The following CHSY3 variants were observed in gnomAD, a reference collection of about 807,000 sequenced individuals.
CHSY3 encodes the protein N-acetylgalactosaminyl-proteoglycan 3-beta-glucuronosyltransferase 3.
Under a neutral mutation model 67.2 loss-of-function variants are expected in CHSY3, and 35 were observed. That is an observed-to-expected ratio of 0.52 (90% CI 0.40 to 0.69). CHSY3 has a LOEUF of 0.69. CHSY3 is among the 30% of genes least tolerant of loss of function. The probability of loss-of-function intolerance (pLI) is 0.00; values close to 1 mark genes in which losing one functional copy is unlikely to be tolerated. For missense variants in CHSY3, 1,069 were observed against 1,138.5 expected (o/e 0.94, Z 0.88); for synonymous variants, 474 against 434.7 (o/e 1.09, Z -1.12).
intron 2 of CHSY3, among the ~76,000 whole-genome samples, chr5:129,916,044 G>A (rs138201069): frequency 6.6e-6 from 1 of 152,238 alleles, no homozygotes; most frequent in East Asian, 1.9e-4. Context: ...TTCTACAAAA[G>A]AAATTCAACT....
rs186389084 is a variant in CHSY3, at chr5:130,124,691, C to A, written c.1087-59538C>A. Reference sequence around the variant, plus strand: ...AAGGCTGATTTCGAACTCCCCAGCTCAGGCAGTCCACCCGCCTTGGCCTCC... The same window carrying A: ...AAGGCTGATTTCGAACTCCCCAGCTAAGGCAGTCCACCCGCCTTGGCCTCC... On this transcript the variant is annotated intron_variant, in intron 2 of 2. Coordinates refer to ENST00000305031, the MANE Select transcript of CHSY3 (RefSeq NM_175856.5). 2.9e-3 allele frequency among the ~76,000 whole-genome samples: 443 copies of A among 152,286 alleles called. 1 individual carries two copies. The highest frequency in any genetic ancestry group is 8.5e-3 in the African/African-American group (353 of 41,572).
chr5:130,082,381 A>C (rs1306527682), intron 2 of CHSY3, among the ~76,000 whole-genome samples: 1 of 152,102 alleles, frequency 6.6e-6, no homozygotes, highest in African/African-American at 2.4e-5. Flanking sequence ...CTGAAATAAC[A>C]AATTTGAGAA....
At chr5:130,079,733 A>G (rs1175798866) in intron 2 of CHSY3, among the ~76,000 whole-genome samples, 1 of 152,108 alleles carries the variant, frequency 6.6e-6, no homozygotes, top group African/African-American at 2.4e-5. Flanking sequence ...TACTTACTTC[A>G]TAGAGATGAA....
rs185675590 is a variant in CHSY3, at chr5:130,181,641, C to A, written c.1087-2588C>A. On this transcript the variant is annotated intron_variant, in intron 2 of 2. Transcript: ENST00000305031. ...TCAGTGAATGTTCACATATTAAATG[C>A]ACACATATGACCACCACCTGGATAA... Among the ~76,000 whole-genome samples the A allele has an allele frequency of 2.1e-3, 313 of 152,246 alleles. 2 individuals carry two copies. The highest frequency in any genetic ancestry group is 6.3e-3 in the Admixed American group (96 of 15,280).
At chr5:129,953,506 T>C (rs11242015) in intron 2 of CHSY3, among the ~76,000 whole-genome samples, 91,187 of 151,912 alleles carry the variant, frequency 0.6, 27,649 homozygotes, top group African/African-American at 0.67. Context: ...AAAATGGGAT[T>C]GCTAGGTCAA....
intron 2 of CHSY3, among the ~76,000 whole-genome samples, chr5:130,056,698 A>G (rs978654486): frequency 3.3e-5 from 5 of 152,074 alleles, no homozygotes; most frequent in African/African-American, 1.2e-4. Flanking sequence ...AGTGATTTAG[A>G]TCATGGATAA....
intron 2 of CHSY3, among the ~76,000 whole-genome samples, chr5:130,088,677 A>G (rs1766760157): frequency 6.6e-6 from 1 of 152,160 alleles, no homozygotes; most frequent in Non-Finnish European, 1.5e-5. Flanking sequence ...ATGAGATACC[A>G]TCTCACACCA....
intron 2 of CHSY3, among the ~76,000 whole-genome samples, chr5:130,061,013 A>G (rs895563924): frequency 1.3e-5 from 2 of 152,226 alleles, no homozygotes; most frequent in Middle Eastern, 3.4e-3. Context: ...AGACTCAGTG[A>G]AATCCCTCTA....
At chr5:129,966,129 ACC>A (rs1762462406) in intron 2 of CHSY3, among the ~76,000 whole-genome samples, 1 of 151,938 alleles carries the variant, frequency 6.6e-6, no homozygotes, top group Non-Finnish European at 1.5e-5. Context: ...TATTAGAAAT[ACC>A]AAATGATTTG....
At chr5:130,024,764 A>G (rs940841488) in intron 2 of CHSY3, among the ~76,000 whole-genome samples, 2 of 152,192 alleles carry the variant, frequency 1.3e-5, no homozygotes, top group Non-Finnish European at 2.9e-5. Flanking sequence ...ACAATTTGAG[A>G]TAGACTAATT....
At chr5:130,162,758 G>A (rs973038717) in intron 2 of CHSY3, among the ~76,000 whole-genome samples, 25 of 152,082 alleles carry the variant, frequency 1.6e-4, no homozygotes, top group African/African-American at 6.0e-4. Context: ...AGAAGCATTG[G>A]AGCAGAACTG....
intron 2 of CHSY3, among the ~76,000 whole-genome samples, chr5:129,928,740 G>C (rs1039554881): frequency 6.6e-6 from 1 of 152,044 alleles, no homozygotes; most frequent in Admixed American, 6.6e-5. Context: ...ATAAAATAAT[G>C]ATAGTAATAA....
chr5:130,143,792 A>ATATATATGTG lies in CHSY3; in HGVS notation c.1087-40430_1087-40429insGTGTATATAT, dbSNP rs1561557256. ...TGTATATATATATATGTGTATATATATATATATATATATGTGTGTATATAT... is the reference window on the plus strand; with the variant it reads ...TGTATATATATATATGTGTATATATATATATATGTGTATATATATATATGTGTGTATATAT... On this transcript the variant is annotated intron_variant, in intron 2 of 2. Transcript: ENST00000305031. Among the ~76,000 whole-genome samples the ATATATATGTG allele has an allele frequency of 4.3e-4, 38 of 88,258 alleles. 2 individuals are homozygous for ATATATATGTG. The highest frequency in any genetic ancestry group is 2.0e-3 in the African/African-American group (35 of 17,646). 57.9% of individuals were successfully genotyped at this position (88,258 alleles called of 152,430 possible).
intron 2 of CHSY3, among the ~76,000 whole-genome samples, chr5:129,921,535 A>C (rs1391672003): frequency 6.6e-6 from 1 of 152,188 alleles, no homozygotes; most frequent in African/African-American, 2.4e-5. Flanking sequence ...TGGACCAGAG[A>C]TGAGTACAGG....
chr5:130,115,794 C>G (rs901256491), intron 2 of CHSY3, among the ~76,000 whole-genome samples: 1 of 152,144 alleles, frequency 6.6e-6, no homozygotes, highest in Admixed American at 6.6e-5. Context: ...TGAGCTCAGC[C>G]GGATTACATA....
At chr5:129,943,034 A>G (rs530980405) in intron 2 of CHSY3, among the ~76,000 whole-genome samples, 13 of 152,296 alleles carry the variant, frequency 8.5e-5, no homozygotes, top group African/African-American at 2.4e-4. Flanking sequence ...GAAATAATAT[A>G]TATTGGCACA....
intron 2 of CHSY3, among the ~76,000 whole-genome samples, chr5:129,972,726 A>G (rs1198143717): frequency 3.3e-5 from 5 of 152,004 alleles, no homozygotes; most frequent in Admixed American, 1.3e-4. Flanking sequence ...AAAGCTTTCA[A>G]AACCAGACCT....
At chr5:130,137,997 TAAAG>T (rs2149717360) in intron 2 of CHSY3, among the ~76,000 whole-genome samples, 1 of 150,970 alleles carries the variant, frequency 6.6e-6, no homozygotes, top group Non-Finnish European at 1.5e-5. Context: ...CCAATTGAAA[TAAAG>T]AAGGAAGGAA....
Position 130,013,065 on chromosome 5 carries a change from A to C in CHSY3, c.1086+104705A>C, listed in dbSNP as rs531771949. On this transcript the variant is annotated intron_variant, in intron 2 of 2. Transcript: ENST00000305031. ...CAAAAACAAAGGGGCTACTGGACCC[A>C]TGCAAGTCTGAAATCCAACAGGCCA... is the stretch of plus-strand genomic sequence containing the variant. 3.9e-5 allele frequency among the ~76,000 whole-genome samples: 6 copies of C among 152,222 alleles called. No homozygotes were observed. The East Asian group carries it at 1.2e-3, about 29-fold the overall frequency.
Sources: gnomAD v4.1 joint callset for allele counts (sites outside exome capture counted in the v4.1 genomes callset) on GRCh38, gnomAD v4.1.1 for gene constraint, MANE v1.5 for transcripts, NCBI Gene and HGNC (gene_info 2026-07-23, HGNC 2026-07-21) for gene names.